LIN54: variants seen among roughly 807,000 people sequenced by gnomAD.
LIN54 encodes the protein lin-54 DREAM MuvB core complex component.
In LIN54, 9 loss-of-function variants were observed where a neutral mutation model predicts 78.7. That is an observed-to-expected ratio of 0.11 (90% CI 0.07 to 0.20). The LOEUF is 0.20. Among genes scored for constraint, LIN54 ranks in the 10% least tolerant of loss-of-function variants. The pLI is 1.00. For missense variants in LIN54, 573 were observed against 889.9 expected (o/e 0.64, Z 4.53); for synonymous variants, 269 against 318.4 (o/e 0.84, Z 1.65).
chr4:82,977,491 AC>A (rs1462132572), intron 3 of LIN54, among the ~76,000 whole-genome samples: 1 of 152,166 alleles, frequency 6.6e-6, no homozygotes, highest in Non-Finnish European at 1.5e-5. Context: ...CACTGCTTTC[AC>A]ATTAAATTTT....
chr4:82,983,884 A>G (rs1396341382), intron 2 of LIN54, among the ~76,000 whole-genome samples: 1 of 152,190 alleles, frequency 6.6e-6, no homozygotes, highest in Non-Finnish European at 1.5e-5. Context: ...TCAAACTACC[A>G]CTAAGAATAA....
chr4:82,977,831 G>C (rs1343372675), intron 3 of LIN54, among the ~76,000 whole-genome samples: 2 of 152,154 alleles, frequency 1.3e-5, no homozygotes, highest in African/African-American at 4.8e-5. Context: ...CCTATAACTA[G>C]TGAAAGAGTC....
intron 4 of LIN54, among the ~76,000 whole-genome samples, chr4:82,969,291 C>T (rs997855984): frequency 6.6e-6 from 1 of 152,218 alleles, no homozygotes; most frequent in African/African-American, 2.4e-5. Context: ...ACACAGCAGT[C>T]ATTAATCCAT....
intron 11 of LIN54, among the ~76,000 whole-genome samples, chr4:82,934,348 G>A (rs1041300179): frequency 6.6e-6 from 1 of 152,222 alleles, no homozygotes; most frequent in Non-Finnish European, 1.5e-5. Context: ...GGATATTACA[G>A]TGAGCCAAGA....
chr4:82,940,976 T>C (rs1484583235), intron 5 of LIN54, among the ~76,000 whole-genome samples: 2 of 152,106 alleles, frequency 1.3e-5, no homozygotes, highest in African/African-American at 4.8e-5. Flanking sequence ...CCATCATCGT[T>C]GTTACAACTG....
intron 3 of LIN54, among the ~76,000 whole-genome samples, chr4:82,972,350 CA>C (rs1173666680): frequency 6.6e-6 from 1 of 151,968 alleles, no homozygotes; most frequent in Non-Finnish European, 1.5e-5. Context: ...ATACAATTTT[CA>C]AAATTTCTTT....
chr4:83,010,250 A>G (rs554933684), intron 1 of LIN54, among the ~76,000 whole-genome samples: 2 of 152,328 alleles, frequency 1.3e-5, no homozygotes, highest in South Asian at 2.1e-4. Context: ...GGAAATCATG[A>G]TAAGTGCTAG....
At position 82,995,489 on chromosome 4, in the gene LIN54, C is replaced by T. The variant is rs866859411; in HGVS notation, c.-32-10613G>A. Among the ~76,000 whole-genome samples, 670 of 76,392 alleles carry T rather than the reference C, an allele frequency of 8.8e-3. 11 individuals carry two copies. Among genetic ancestry groups the T allele is most frequent in the Middle Eastern group, 0.021 (2 of 96 alleles). The allele number at this position is 76,392 out of a possible 152,430, so 50.1% of individuals were successfully genotyped here. On this transcript the variant is annotated intron_variant, in intron 1 of 12. Coordinates refer to ENST00000340417, the MANE Select transcript of LIN54 (RefSeq NM_194282.4). ...GTCTTATGATTACACATCCTTATCT[C>T]TTTTTTTTTTTTTTTTTTTTTTTTG...
chr4:82,932,219 C>G (rs977020415), intron 11 of LIN54, among the ~76,000 whole-genome samples: 1 of 151,106 alleles, frequency 6.6e-6, no homozygotes, highest in African/African-American at 2.4e-5. Context: ...CTCAGCCTCC[C>G]GAGTAGCTGG....
chr4:82,985,075 G>A (rs1156387395), intron 1 of LIN54, among the ~76,000 whole-genome samples, 199 bp from the exon 2 acceptor site: 1 of 152,148 alleles, frequency 6.6e-6, no homozygotes, highest in Non-Finnish European at 1.5e-5. Context: ...AGTCATATGG[G>A]AACACAAAAC....
intron 4 of LIN54, among the ~76,000 whole-genome samples, chr4:82,947,584 A>T (rs563359934): frequency 6.6e-6 from 1 of 152,186 alleles, no homozygotes; most frequent in Non-Finnish European, 1.5e-5. Flanking sequence ...AATTATTTTT[A>T]AAATTAAAGA....
intron 3 of LIN54, among the ~76,000 whole-genome samples, chr4:82,975,292 C>T (rs1175327839): frequency 4.0e-5 from 6 of 151,018 alleles, no homozygotes; most frequent in East Asian, 1.9e-4. Context: ...GTTGAGATCA[C>T]GCCACTGCAC....
chr4:82,939,749 G>A lies in LIN54; in HGVS notation c.1243-13C>T. 1.2e-6 allele frequency: 2 copies of A among 1,613,738 alleles called. No individual in the cohort carries two copies. The highest frequency in any genetic ancestry group is 1.7e-6 in the Non-Finnish European group (2 of 1,179,634). On this transcript the variant is annotated splice_polypyrimidine_tract_variant and intron_variant, in intron 6 of 12. Coordinates refer to ENST00000340417, the MANE Select transcript of LIN54 (RefSeq NM_194282.4). ...GTTTTGGAACAACCTAAAAAGAAGG[G>A]ACATATATCAATGACCACAAAATAA...
intron 1 of LIN54, among the ~76,000 whole-genome samples, chr4:82,999,777 C>CAAA (rs1295987591): frequency 0.53 from 48,482 of 91,956 alleles, 14,630 homozygotes; most frequent in Admixed American, 0.62. Flanking sequence ...GACTCTGTCT[C>CAAA]AAAAAAAAAA....
chr4:82,938,036 G>A (rs111492096), intron 8 of LIN54, among the ~76,000 whole-genome samples: 2,459 of 152,270 alleles, frequency 0.016, 72 homozygotes, highest in African/African-American at 0.056. Flanking sequence ...GGAGGCTGAG[G>A]CAGGAGGATT....
intron 2 of LIN54, among the ~76,000 whole-genome samples, chr4:82,983,214 G>A (rs1000681810): frequency 6.6e-6 from 1 of 151,908 alleles, no homozygotes; most frequent in African/African-American, 2.4e-5. Flanking sequence ...TCACCATGTT[G>A]GGCAGGCTAG....
intron 3 of LIN54, among the ~76,000 whole-genome samples, chr4:82,974,007 G>T (rs1725908935): frequency 6.6e-6 from 1 of 151,978 alleles, no homozygotes; most frequent in Non-Finnish European, 1.5e-5. Flanking sequence ...TCAGGAGATT[G>T]GGACCATCCT....
chr4:82,992,492 T>C (rs927195654), intron 1 of LIN54, among the ~76,000 whole-genome samples: 2 of 151,972 alleles, frequency 1.3e-5, no homozygotes, highest in African/African-American at 4.8e-5. Flanking sequence ...CGGGACAACA[T>C]ATCAAGACCC....
At chr4:83,011,913 G>A (rs1729876331), upstream of LIN54, 2 of 444,450 alleles carry the variant, frequency 4.5e-6, no homozygotes, top group Non-Finnish European at 5.9e-6. Flanking sequence ...ATAAGCTCTG[G>A]GCAAACTGAA....
Sources: allele counts gnomAD v4.1 joint callset (sites outside exome capture counted in the v4.1 genomes callset), GRCh38; gene constraint gnomAD v4.1.1; transcripts MANE v1.5; gene names NCBI Gene and HGNC (gene_info 2026-07-23, HGNC 2026-07-21).